Variants in CSNK1G3 observed in about 807,000 individuals in gnomAD.
CSNK1G3 encodes casein kinase I isoform gamma-3.
Under a neutral mutation model 64.3 loss-of-function variants are expected in CSNK1G3, and 23 were observed. That is an observed-to-expected ratio of 0.36 (90% confidence interval 0.26 to 0.51). The LOEUF (loss-of-function observed/expected upper bound fraction) is 0.51, where lower values mean the gene tolerates loss of function less well. CSNK1G3 is among the 20% of genes least tolerant of loss of function. CSNK1G3 has a pLI of 0.96. For missense variants in CSNK1G3, 357 were observed against 510.5 expected (o/e 0.70, Z 2.90); for synonymous variants, 158 against 162.2 (o/e 0.97, Z 0.20).
intron 2 of CSNK1G3, among the ~76,000 whole-genome samples, chr5:123,551,774 A>C (rs1266538837): frequency 6.6e-6 from 1 of 152,068 alleles, no homozygotes; most frequent in African/African-American, 2.4e-5. Flanking sequence ...GACCAGGGCC[A>C]GTTACTCTCA....
intron 4 of CSNK1G3, among the ~76,000 whole-genome samples, chr5:123,568,779 T>C (rs941455698): frequency 2.6e-5 from 4 of 152,222 alleles, no homozygotes; most frequent in Non-Finnish European, 5.9e-5. Context: ...GCATTGCTGA[T>C]GTTGCATGTT....
intron 1 of CSNK1G3, among the ~76,000 whole-genome samples, chr5:123,536,215 C>T (rs1287699146): frequency 2.0e-5 from 3 of 152,046 alleles, no homozygotes; most frequent in African/African-American, 7.2e-5. Flanking sequence ...ATGATTCTCT[C>T]TGACAAGGGC....
At chr5:123,567,493 C>G (rs1405055522) in intron 4 of CSNK1G3, among the ~76,000 whole-genome samples, 1 of 151,972 alleles carries the variant, frequency 6.6e-6, no homozygotes, top group East Asian at 1.9e-4. Flanking sequence ...ATAATCCCAG[C>G]TATTTTGGGA....
At chr5:123,599,903 G>T (rs1272477995) in intron 10 of CSNK1G3, among the ~76,000 whole-genome samples, 1 of 151,776 alleles carries the variant, frequency 6.6e-6, no homozygotes, top group East Asian at 1.9e-4. Context: ...CTGAAGACTG[G>T]GATGATCAAG....
chr5:123,568,694 A>G (rs1210689235), intron 4 of CSNK1G3, among the ~76,000 whole-genome samples: 1 of 152,170 alleles, frequency 6.6e-6, no homozygotes, highest in Non-Finnish European at 1.5e-5. Flanking sequence ...CTCATCTTCA[A>G]GGCTCTTGTC....
At chr5:123,612,517 G>A (rs1322948417) in intron 12 of CSNK1G3, among the ~76,000 whole-genome samples, 4 of 148,232 alleles carry the variant, frequency 2.7e-5, no homozygotes, top group African/African-American at 1.0e-4. Flanking sequence ...TCACTCTGTC[G>A]CCCAGGCTGG....
chr5:123,579,075 T>G (rs1182570861), intron 6 of CSNK1G3, among the ~76,000 whole-genome samples: 1 of 151,936 alleles, frequency 6.6e-6, no homozygotes, highest in Non-Finnish European at 1.5e-5. Context: ...GGACAGAATC[T>G]TGGAGGTCGT....
chr5:123,536,824 CATA>C, intron 1 of CSNK1G3, among the ~76,000 whole-genome samples: 2 of 152,082 alleles, frequency 1.3e-5, no homozygotes, highest in Middle Eastern at 3.4e-3. Flanking sequence ...TGGCCAATGG[CATA>C]ATAAAAAATA....
chr5:123,512,831 T>TGGC (rs2149843332), intron 1 of CSNK1G3, among the ~76,000 whole-genome samples: 1 of 148,942 alleles, frequency 6.7e-6, no homozygotes, highest in South Asian at 2.1e-4. Context: ...GGGCCGCGGG[T>TGGC]GGCGGGTCGG....
chr5:123,607,835 A>G (rs1253840676), intron 12 of CSNK1G3, among the ~76,000 whole-genome samples: 2 of 152,150 alleles, frequency 1.3e-5, no homozygotes, highest in African/African-American at 4.8e-5. Flanking sequence ...GAACTTTCCT[A>G]CCTCTTTGCT....
At chr5:123,526,671 A>G (rs1038193956) in intron 1 of CSNK1G3, among the ~76,000 whole-genome samples, 1 of 152,120 alleles carries the variant, frequency 6.6e-6, no homozygotes, top group Admixed American at 6.6e-5. Flanking sequence ...TGTGTTATAT[A>G]ACCTTTTGAT....
intron 4 of CSNK1G3, among the ~76,000 whole-genome samples, chr5:123,572,257 ACT>A (rs1480618766): frequency 6.6e-6 from 1 of 151,688 alleles, no homozygotes; most frequent in Non-Finnish European, 1.5e-5. Flanking sequence ...AATACAAGTG[ACT>A]CTGTTTTGAT....
At chr5:123,591,477 CAATA>C in intron 10 of CSNK1G3, 63 bp downstream of exon 10, 1 of 1,014,812 alleles carries the variant, frequency 9.9e-7, no homozygotes, top group East Asian at 2.6e-5. Context: ...CTTTTTTCTT[CAATA>C]GATAAAACAG....
At chr5:123,549,675 A>G (rs538148667) in intron 2 of CSNK1G3, among the ~76,000 whole-genome samples, 1 of 152,302 alleles carries the variant, frequency 6.6e-6, no homozygotes, top group South Asian at 2.1e-4. Context: ...TTTTTCTGCC[A>G]CCTAACCAAA....
intron 1 of CSNK1G3, among the ~76,000 whole-genome samples, chr5:123,543,677 G>A (rs143005313): frequency 0.01 from 1,549 of 152,184 alleles, 33 homozygotes; most frequent in African/African-American, 0.035. Flanking sequence ...ATGAAGGTGC[G>A]ACTCACCTTT....
chr5:123,613,356 T>A (rs1561641290), intron 12 of CSNK1G3, among the ~76,000 whole-genome samples: 1 of 151,900 alleles, frequency 6.6e-6, no homozygotes, highest in Admixed American at 6.6e-5. Context: ...ACATTCCTCC[T>A]GCCTCAGCCT....
chr5:123,524,274 C>T (rs769287288), intron 1 of CSNK1G3, among the ~76,000 whole-genome samples: 21 of 152,084 alleles, frequency 1.4e-4, no homozygotes, highest in Non-Finnish European at 2.2e-4. Context: ...GTTCCAGAAG[C>T]GTTGTGTAAT....
intron 10 of CSNK1G3, among the ~76,000 whole-genome samples, chr5:123,598,654 T>C (rs968403887): frequency 5.9e-5 from 9 of 152,048 alleles, no homozygotes; most frequent in African/African-American, 1.9e-4. Context: ...CAAGCTGGTG[T>C]GTGTTGAGAA....
chr5:123,596,363 T>G lies in CSNK1G3; in HGVS notation c.1086+4949T>G, dbSNP rs147860357. ...AAAAGCTAATTCAGCAAATATATTC[T>G]ATTTGCATAACACAAACTATATTTT... is the stretch of plus-strand genomic sequence containing the variant. On this transcript the variant is annotated intron_variant, in intron 10 of 12. Transcript: ENST00000345990. 2.2e-4 allele frequency among the ~76,000 whole-genome samples: 33 copies of G among 152,246 alleles called. No individual in the cohort carries two copies. The East Asian group carries it at 4.6e-3, about 21-fold the overall frequency.
Sources: allele counts gnomAD v4.1 joint callset (sites outside exome capture counted in the v4.1 genomes callset), GRCh38; gene constraint gnomAD v4.1.1; transcripts MANE v1.5; gene names NCBI Gene and HGNC (gene_info 2026-07-23, HGNC 2026-07-21).